The following AOX1 variants were observed in gnomAD, a reference collection of about 807,000 sequenced individuals.
The protein encoded by AOX1 is aldehyde oxidase.
A neutral mutation model predicts 169.5 loss-of-function variants in AOX1; 153 were observed. The observed-to-expected ratio is 0.90, with a 90% CI of 0.79 to 1.03. The LOEUF is 1.03. Among genes scored for constraint, AOX1 ranks in the 50% least tolerant of loss-of-function variants. The pLI, the probability that AOX1 is intolerant of heterozygous loss-of-function variation, is 0.00. For missense variants in AOX1, 1,656 were observed against 1,663.9 expected (o/e 1.00, Z 0.08); for synonymous variants, 562 against 581.9 (o/e 0.97, Z 0.49).
At chr2:200,597,558 C>T (rs893929807) in intron 4 of AOX1, 53 bp downstream of exon 4, 19 of 1,357,012 alleles carry the variant, frequency 1.4e-5, no homozygotes, top group Non-Finnish European at 1.9e-5. Context: ...AACCTCATGA[C>T]ATTGAGTCCC....
downstream of AOX1, among the ~76,000 whole-genome samples, chr2:200,677,324 A>G (rs1181900991): frequency 6.6e-6 from 1 of 152,192 alleles, no homozygotes; most frequent in Non-Finnish European, 1.5e-5. Context: ...ATGCAAAGCG[A>G]TTGTGTTGAT....
At chr2:200,662,830 T>G in intron 30 of AOX1, 25 bp from the exon 31 acceptor site, 1 of 1,594,748 alleles carries the variant, frequency 6.3e-7, no homozygotes, top group Admixed American at 1.7e-5. Flanking sequence ...CGTGATCACT[T>G]AACAACACTC....
rs765439493 is a variant in AOX1, at chr2:200,666,734, A to G, written c.3591A>G (p.Pro1197=). 1.2e-6 allele frequency: 2 copies of G among 1,611,456 alleles called. No individual in the cohort carries two copies. Residue 1197 remains proline (P), a synonymous_variant, in exon 32 of 35, where the codon CCA becomes CCG. Coordinates refer to ENST00000374700, the MANE Select transcript of AOX1 (RefSeq NM_001159.4). ...TGGATGTTGGCTGCAGTATAAATCC[A>G]GCCATTGACATAGGCCAGGTACGTG... ...IVMDVGCSIN[P]AIDIGQIEGA... is the part of the protein sequence containing the mutation.
intron 30 of AOX1, 142 bp downstream of exon 30, chr2:200,661,773 TAA>T (rs1197011922): frequency 4.6e-6 from 3 of 648,790 alleles, no homozygotes; most frequent in Non-Finnish European, 8.2e-6. Flanking sequence ...AACTGCTAGT[TAA>T]TCCATGGTTG....
chr2:200,675,039 T>C (rs1190444294), downstream of AOX1, among the ~76,000 whole-genome samples: 1 of 152,222 alleles, frequency 6.6e-6, no homozygotes, highest in East Asian at 1.9e-4. Flanking sequence ...TGCATGACTG[T>C]GGAACCTGCT....
chr2:200,608,389 C>T (rs143829782), intron 10 of AOX1, among the ~76,000 whole-genome samples: 15 of 152,196 alleles, frequency 9.9e-5, no homozygotes, highest in Admixed American at 3.3e-4. Flanking sequence ...ACCACAGTAG[C>T]GAGTTTATGT....
rs778010282 is a variant in AOX1 at position 200,613,852 on chromosome 2, T to G, written c.1497T>G (p.Asn499Lys). The G allele has an allele frequency of 1.2e-6, 2 of 1,612,718 alleles. No individual in the cohort carries two copies. Among genetic ancestry groups the G allele is most frequent in the Non-Finnish European group, 1.7e-6 (2 of 1,179,940 alleles). ...ATATAGCCTGCAGGCTTATTCTGAA[T>G]GAAGTCTCCCTTTTGGGCTCGGCGC... Reference protein sequence around the residue: ...MLDIACRLILNEVSLLGSAPG... With the variant: ...MLDIACRLILKEVSLLGSAPG... The change falls in exon 15 of 35, where the codon AAT (asparagine) becomes AAG (lysine). Residue 499 changes from asparagine (N) to lysine (K), a missense_variant. By Grantham distance (94) the Asn-to-Lys change is moderately conservative. Transcript: ENST00000374700.
intron 25 of AOX1, among the ~76,000 whole-genome samples, chr2:200,646,711 G>A (rs2035459912): frequency 6.6e-6 from 1 of 152,004 alleles, no homozygotes; most frequent in Non-Finnish European, 1.5e-5. Context: ...AGGTCTATTA[G>A]TAATTGTTTT....
chr2:200,613,874 G>A lies in AOX1; in HGVS notation c.1519G>A (p.Ala507Thr), dbSNP rs768141119. The stretch of plus-strand genomic sequence containing the variant: ...GAATGAAGTCTCCCTTTTGGGCTCG[G>A]CGCCAGGTGGGAAAGTGGAGTTCAA... The part of the protein sequence containing the change: ...ILNEVSLLGS[A>T]PGGKVEFKRT... Residue 507 changes from alanine to threonine, a missense_variant, in exon 15 of 35, where the codon GCG becomes ACG. Physicochemically the swap from Ala to Thr is moderately conservative, Grantham distance 58 (BLOSUM62 0). Transcript: ENST00000374700. 4 of 1,612,718 alleles carry A rather than the reference G, an allele frequency of 2.5e-6. No homozygotes were observed. The highest frequency in any genetic ancestry group is 3.4e-6 in the Non-Finnish European group (4 of 1,179,972).
At chr2:200,611,937 T>C (rs961982331) in intron 13 of AOX1, among the ~76,000 whole-genome samples, 1 of 152,138 alleles carries the variant, frequency 6.6e-6, no homozygotes, top group African/African-American at 2.4e-5. Context: ...ATTCCTGACC[T>C]CAGGTGATTC....
chr2:200,657,214 G>A (rs2035715007), intron 27 of AOX1, among the ~76,000 whole-genome samples: 1 of 102,876 alleles, frequency 9.7e-6, no homozygotes, highest in African/African-American at 4.7e-5. Flanking sequence ...TTAATTAGCA[G>A]GGCATGGTGG....
At position 200,626,219 on chromosome 2, in the gene AOX1, C is replaced by G. The variant is rs144374372; in HGVS notation, c.2125-1134C>G. On this transcript the variant is annotated intron_variant, in intron 19 of 34. Coordinates refer to ENST00000374700, the MANE Select transcript of AOX1 (RefSeq NM_001159.4). Reference sequence around the variant, plus strand: ...CCAAGGTTACATAGCTAGTCAGTAACAAAAACAATCAACAAACACTCTGTC... The same window carrying G: ...CCAAGGTTACATAGCTAGTCAGTAAGAAAAACAATCAACAAACACTCTGTC... Among the ~76,000 whole-genome samples the G allele has an allele frequency of 1.8e-3, 279 of 152,320 alleles. 2 individuals carry two copies. The highest frequency in any genetic ancestry group is 6.4e-3 in the African/African-American group (266 of 41,572).
chr2:200,611,442 T>C lies in AOX1; in HGVS notation c.1212T>C (p.Asp404=), dbSNP rs1168569985. ...EQFLSKCPNA[D]LKPQEILVSV... is the part of the protein sequence containing the mutation. ...TCCTCAGCAAGTGCCCTAATGCAGA[T>C]CTTAAGCCTCAAGAAATCTTGGTCT... is the stretch of plus-strand genomic sequence containing the variant. The change falls in exon 13 of 35, where the codon GAT becomes GAC. Residue 404 remains aspartate (D), a synonymous_variant. Transcript: ENST00000374700. The C allele has an allele frequency of 1.2e-6, 2 of 1,613,950 alleles. No homozygotes were observed. The highest frequency in any genetic ancestry group is 2.2e-5 in the East Asian group (1 of 44,888).
chr2:200,671,497 G>A (rs1057107240), downstream of AOX1: 3 of 152,138 alleles, frequency 2.0e-5, no homozygotes, highest in Admixed American at 2.0e-4. Context: ...ATGGGCAAAG[G>A]ATTTGAGTAG....
chr2:200,595,244 A>G (rs1304850851), intron 2 of AOX1, 28 bp from the exon 3 acceptor site: 2 of 1,575,672 alleles, frequency 1.3e-6, no homozygotes, highest in Middle Eastern at 1.7e-4. Context: ...TACATAACAC[A>G]TATGATCTTT....
chr2:200,636,393 T>C (rs971106227), intron 21 of AOX1, among the ~76,000 whole-genome samples: 2 of 152,076 alleles, frequency 1.3e-5, no homozygotes, highest in Non-Finnish European at 2.9e-5. Flanking sequence ...ACTCCCAAAG[T>C]GCTGGGATTA....
intron 9 of AOX1, 61 bp from the exon 10 acceptor site, chr2:200,605,475 A>T: frequency 1.3e-6 from 1 of 744,920 alleles, no homozygotes; most frequent in Non-Finnish European, 2.1e-6. Context: ...TTTCAAATTT[A>T]AAAGGCAGTT....
At chr2:200,630,191 T>C (rs1256795140) in intron 20 of AOX1, among the ~76,000 whole-genome samples, 4 of 121,922 alleles carry the variant, frequency 3.3e-5, no homozygotes, top group Non-Finnish European at 6.3e-5. Context: ...CCGGTCAATG[T>C]AGCAAGACTC....
chr2:200,609,680 C>T (rs544163078), intron 12 of AOX1, among the ~76,000 whole-genome samples: 4 of 152,024 alleles, frequency 2.6e-5, no homozygotes, highest in South Asian at 2.1e-4. Context: ...GGTTAATGTC[C>T]GGATGTGATC....
Sources: allele counts gnomAD v4.1 joint callset (sites outside exome capture counted in the v4.1 genomes callset), GRCh38; gene constraint gnomAD v4.1.1; transcripts MANE v1.5; gene names NCBI Gene and HGNC (gene_info 2026-07-23, HGNC 2026-07-21).